Variants in EYS observed in about 807,000 individuals in gnomAD.
The protein encoded by EYS is protein eyes shut homolog.
Under a neutral mutation model 282.1 loss-of-function variants are expected in EYS, and 250 were observed. That is an observed-to-expected ratio of 0.89 (90% CI 0.80 to 0.98). EYS has a LOEUF of 0.98. EYS is among the 50% of genes least tolerant of loss of function. The pLI is 0.00. For synonymous variants in EYS, 1,355 were observed against 1,282.9 expected (o/e 1.06, Z -1.20); for missense variants, 4,016 against 3,709.0 (o/e 1.08, Z -2.15).
At chr6:64,326,933 C>T (rs1443292918) in intron 29 of EYS, among the ~76,000 whole-genome samples, 2 of 152,090 alleles carry the variant, frequency 1.3e-5, no homozygotes, top group Non-Finnish European at 2.9e-5. Flanking sequence ...CTAGTCCAAC[C>T]CGAGGGGGTT....
At position 64,950,489 on chromosome 6, in the gene EYS, GA is replaced by G. The variant is rs149140457; in HGVS notation, c.2260-4576del. Among the ~76,000 whole-genome samples, 616 of 151,340 alleles carry G rather than the reference GA, an allele frequency of 4.1e-3. 2 individuals carry two copies. The highest frequency in any genetic ancestry group is 0.014 in the African/African-American group (588 of 41,380). On this transcript the variant is annotated intron_variant, in intron 14 of 42. Coordinates refer to ENST00000503581, the MANE Select transcript of EYS (RefSeq NM_001142800.2). ...CAAAAAAACATAAATTTAGATAGTC[GA>G]AAACAGTAATGTATTTAAAATACAT...
intron 12 of EYS, among the ~76,000 whole-genome samples, chr6:65,211,439 A>C (rs1766174331): frequency 6.6e-6 from 1 of 152,024 alleles, no homozygotes; most frequent in Admixed American, 6.6e-5. Flanking sequence ...TGTTAGAAAA[A>C]ATTTTGATGG....
At chr6:65,329,827 T>A (rs913509016) in intron 11 of EYS, 1 of 983,156 alleles carries the variant, frequency 1.0e-6, no homozygotes, top group African/African-American at 1.8e-5. Flanking sequence ...AAAGCTCTAT[T>A]TTTACAAGCC....
intron 29 of EYS, among the ~76,000 whole-genome samples, chr6:64,333,266 A>T (rs1770709323): frequency 1.3e-5 from 2 of 152,270 alleles, no homozygotes; most frequent in South Asian, 4.1e-4. Flanking sequence ...TGGGGTCGGC[A>T]AACTTGTAAA....
chr6:65,297,292 G>T (rs1243677349), intron 11 of EYS, among the ~76,000 whole-genome samples: 1 of 151,778 alleles, frequency 6.6e-6, no homozygotes, highest in Admixed American at 6.6e-5. Flanking sequence ...ATGTCAATGG[G>T]CTGAGAAAAG....
intron 5 of EYS, among the ~76,000 whole-genome samples, chr6:65,471,772 T>A (rs1193927643): frequency 6.6e-6 from 1 of 152,160 alleles, no homozygotes; most frequent in Non-Finnish European, 1.5e-5. Context: ...TTATGTAAAT[T>A]ACCATTACTA....
At chr6:63,890,637 A>G (rs981848735) in intron 35 of EYS, among the ~76,000 whole-genome samples, 4 of 152,222 alleles carry the variant, frequency 2.6e-5, no homozygotes, top group African/African-American at 4.8e-5. Flanking sequence ...CCCACAGGAG[A>G]AAGCAGGAAG....
intron 28 of EYS, 87 bp from the exon 29 acceptor site, chr6:64,388,927 A>AATCT: frequency 3.5e-6 from 3 of 848,816 alleles, no homozygotes; most frequent in Non-Finnish European, 5.0e-6. Context: ...TCAAAAGAAT[A>AATCT]ATTTAAGTAA....
chr6:65,123,761 CACACA>C (rs1258190340), intron 12 of EYS, among the ~76,000 whole-genome samples: 1 of 133,290 alleles, frequency 7.5e-6, no homozygotes, highest in African/African-American at 3.6e-5. Flanking sequence ...CACCCACCCA[CACACA>C]CACACACACA....
chr6:64,642,100 C>T (rs1403337270), intron 22 of EYS, among the ~76,000 whole-genome samples: 7 of 152,120 alleles, frequency 4.6e-5, no homozygotes, highest in African/African-American at 1.7e-4. Context: ...TCCTTGATGG[C>T]ATCATCAAGC....
At chr6:65,651,869 A>G (rs970694811) in intron 1 of EYS, among the ~76,000 whole-genome samples, 1 of 152,080 alleles carries the variant, frequency 6.6e-6, no homozygotes, top group African/African-American at 2.4e-5. Flanking sequence ...AAATAAACTA[A>G]CCATTGTTAT....
At chr6:65,251,015 A>T (rs1225975121) in intron 12 of EYS, among the ~76,000 whole-genome samples, 2 of 148,914 alleles carry the variant, frequency 1.3e-5, no homozygotes, top group African/African-American at 5.0e-5. Context: ...CGGAAAATAG[A>T]TAAGAAAAAT....
At chr6:64,036,510 A>G (rs908875954) in intron 33 of EYS, among the ~76,000 whole-genome samples, 2 of 152,248 alleles carry the variant, frequency 1.3e-5, no homozygotes, top group African/African-American at 4.8e-5. Context: ...TTTAATCTTA[A>G]TCTTATGGAA....
intron 19 of EYS, among the ~76,000 whole-genome samples, chr6:64,826,478 C>G (rs1224792510): frequency 6.6e-6 from 1 of 151,654 alleles, no homozygotes; most frequent in Admixed American, 6.6e-5. Flanking sequence ...TATGATCCCA[C>G]TTATTTAAAA....
At chr6:64,440,956 T>C (rs1416879905) in intron 26 of EYS, among the ~76,000 whole-genome samples, 1 of 152,162 alleles carries the variant, frequency 6.6e-6, no homozygotes, top group Non-Finnish European at 1.5e-5. Context: ...AAGACATCTG[T>C]TTGAAAACAG....
chr6:63,727,737 A>AAAAAATATATATATATATAT (rs1554164607), intron 41 of EYS, among the ~76,000 whole-genome samples: 6 of 36,710 alleles, frequency 1.6e-4, no homozygotes, highest in African/African-American at 5.3e-4. Context: ...AAAAAAAAAA[A>AAAAAATATATATATATATAT]ATATATATAT....
intron 26 of EYS, among the ~76,000 whole-genome samples, chr6:64,480,904 A>G (rs1158425300): frequency 6.6e-6 from 1 of 151,680 alleles, no homozygotes; most frequent in Non-Finnish European, 1.5e-5. Context: ...TTGTAGTTAC[A>G]CTGATTATTG....
chr6:64,516,653 T>C (rs1021811494), intron 26 of EYS, among the ~76,000 whole-genome samples: 11 of 151,702 alleles, frequency 7.3e-5, no homozygotes. Context: ...CTCTGCACAG[T>C]TACAGTCCTA....
rs749517757 is a variant in EYS, at chr6:63,829,058, G to A, written c.7229-22686C>T. Among the ~76,000 whole-genome samples the A allele has an allele frequency of 6.7e-4, 102 of 152,136 alleles. 2 individuals carry two copies. Among genetic ancestry groups the A allele is most frequent in the Non-Finnish European group, 3.1e-4 (21 of 68,018 alleles). On this transcript the variant is annotated intron_variant, in intron 36 of 42. Transcript: ENST00000503581. ...GTTTATAGCAGCACAATTCACAATC[G>A]CAAAATCATGGAACCAACCCAAATG...
Sources: allele counts gnomAD v4.1 joint callset (sites outside exome capture counted in the v4.1 genomes callset), GRCh38; gene constraint gnomAD v4.1.1; transcripts MANE v1.5; gene names NCBI Gene and HGNC (gene_info 2026-07-23, HGNC 2026-07-21).